The following WDR19 variants were observed in gnomAD, a reference collection of about 807,000 sequenced individuals.
WDR19 encodes the protein WD repeat-containing protein 19.
In WDR19, 121 loss-of-function variants were observed where a neutral mutation model predicts 180.0. That is an observed-to-expected ratio of 0.67 (90% confidence interval 0.58 to 0.78). The LOEUF is 0.78. Among genes scored for constraint, WDR19 ranks in the 30% least tolerant of loss-of-function variants. WDR19 has a pLI of 0.00. For synonymous variants in WDR19, 497 were observed against 540.7 expected (o/e 0.92, Z 1.12); for missense variants, 1,450 against 1,640.7 (o/e 0.88, Z 2.01).
chr4:39,229,554 T>C (rs1480508916), intron 17 of WDR19, among the ~76,000 whole-genome samples: 2 of 152,206 alleles, frequency 1.3e-5, no homozygotes, highest in African/African-American at 4.8e-5. Flanking sequence ...TAATTTCCTT[T>C]TACTGTTTTT....
At position 39,231,634 on chromosome 4, in the gene WDR19, G is replaced by T. The variant is rs187814249; in HGVS notation, c.1983-163G>T. ...AAACATTTATCTGTAAAAAAAGGAA[G>T]AAAGCTTAAGTGTTTTTTCATTACT... On this transcript the variant is annotated intron_variant, in intron 17 of 36. Transcript: ENST00000399820. Among the ~76,000 whole-genome samples the T allele has an allele frequency of 1.1e-3, 170 of 152,272 alleles. 1 individual carries two copies. The highest frequency in any genetic ancestry group is 4.0e-3 in the African/African-American group (166 of 41,578).
At chr4:39,199,689 C>A in intron 6 of WDR19, 96 bp downstream of exon 6, 1 of 974,578 alleles carries the variant, frequency 1.0e-6, no homozygotes, top group Non-Finnish European at 1.6e-6. Context: ...TTTTAAAAAT[C>A]TATATGTGAG....
chr4:39,225,787 C>T (rs988806146), intron 15 of WDR19, among the ~76,000 whole-genome samples: 1 of 151,922 alleles, frequency 6.6e-6, no homozygotes, highest in African/African-American at 2.4e-5. Context: ...TCCCCATGCC[C>T]GCCCCTTCTT....
chr4:39,215,872 C>T lies in WDR19; in HGVS notation c.993C>T (p.Gly331=). The T allele has an allele frequency of 6.2e-7, 1 of 1,613,486 alleles. No homozygotes were observed. The highest frequency in any genetic ancestry group is 8.5e-7 in the Non-Finnish European group (1 of 1,179,666). Residue 331 remains glycine, a synonymous_variant, in exon 11 of 37, where the codon GGC becomes GGT. Coordinates refer to ENST00000399820, the MANE Select transcript of WDR19 (RefSeq NM_025132.4). The stretch of plus-strand genomic sequence containing the variant: ...GTACCTTGTCCTGGACTGATGATGG[C>T]CAGTTGCTAGCACTCTCTACCCAAA... ...GLGTLSWTDD[G]QLLALSTQRG...
In WDR19 at chr4:39,194,531, CTT is replaced by C. The variant is rs1324399102; in HGVS notation, c.291-12_291-11del. On this transcript the variant is annotated splice_polypyrimidine_tract_variant and intron_variant, in intron 4 of 36. Coordinates refer to ENST00000399820, the MANE Select transcript of WDR19 (RefSeq NM_025132.4). ...TCGTGAATTGTTTAGTAATTTATAT[CTT>C]AATGTTACAGGGATCAAATGTCTTT... 2 of 1,559,626 alleles carry C rather than the reference CTT, an allele frequency of 1.3e-6. No individual in the cohort carries two copies. Among genetic ancestry groups the C allele is most frequent in the Admixed American group, 1.7e-5 (1 of 57,650 alleles).
intron 5 of WDR19, among the ~76,000 whole-genome samples, chr4:39,195,410 A>G (rs1216177332): frequency 6.8e-6 from 1 of 147,170 alleles, no homozygotes; most frequent in Non-Finnish European, 1.5e-5. Flanking sequence ...AAAAACATTT[A>G]CTGCTTGGAT....
chr4:39,201,949 A>G (rs928089854), intron 6 of WDR19, among the ~76,000 whole-genome samples: 2 of 152,158 alleles, frequency 1.3e-5, no homozygotes, highest in Non-Finnish European at 2.9e-5. Flanking sequence ...TTTTTTCTTA[A>G]TTGTTTTAAC....
intron 24 of WDR19, among the ~76,000 whole-genome samples, chr4:39,247,381 T>C (rs1732644733): frequency 6.6e-6 from 1 of 151,646 alleles, no homozygotes; most frequent in Non-Finnish European, 1.5e-5. Flanking sequence ...AGACCAAAGG[T>C]GGATAAAACC....
intron 7 of WDR19, 115 bp downstream of exon 7, chr4:39,203,837 AT>A (rs889920520): frequency 1.8e-5 from 19 of 1,028,226 alleles, no homozygotes; most frequent in African/African-American, 1.6e-4. Context: ...CATTGACTGT[AT>A]TTTAAGCCAA....
At chr4:39,255,349 T>C (rs1328885371) in intron 26 of WDR19, among the ~76,000 whole-genome samples, 1 of 152,172 alleles carries the variant, frequency 6.6e-6, no homozygotes, top group African/African-American at 2.4e-5. Context: ...AGCATGGTTG[T>C]TATACTTTAG....
chr4:39,215,740 G>A, intron 10 of WDR19, 101 bp from the exon 11 acceptor site: 1 of 1,238,504 alleles, frequency 8.1e-7, no homozygotes, highest in African/African-American at 1.5e-5. Context: ...GAAAATATTT[G>A]AAAATTGTTA....
chr4:39,223,809 A>C (rs1434663369), intron 14 of WDR19, among the ~76,000 whole-genome samples: 1 of 152,168 alleles, frequency 6.6e-6, no homozygotes, highest in Non-Finnish European at 1.5e-5. Flanking sequence ...TTCCCACTTT[A>C]TTTTCTAAAT....
chr4:39,182,954 G>A (rs993663815), intron 1 of WDR19, among the ~76,000 whole-genome samples: 13 of 152,184 alleles, frequency 8.5e-5, no homozygotes, highest in African/African-American at 3.1e-4. Flanking sequence ...GATGTCACGA[G>A]CTACCTCATT....
chr4:39,203,855 G>T (rs764912519), intron 7 of WDR19, 133 bp downstream of exon 7: 52 of 875,030 alleles, frequency 5.9e-5, no homozygotes, highest in Non-Finnish European at 8.5e-5. Context: ...CCAAGGTAGA[G>T]CTAGGTCTTT....
At chr4:39,238,582 A>G (rs1031071948) in intron 20 of WDR19, among the ~76,000 whole-genome samples, 1 of 152,232 alleles carries the variant, frequency 6.6e-6, no homozygotes, top group Non-Finnish European at 1.5e-5. Flanking sequence ...AGCTTGGTTG[A>G]TGTCATCAGG....
At position 39,284,081 on chromosome 4, in the gene WDR19, A is replaced by G. The variant is rs576389418; in HGVS notation, c.*14-1406A>G. Among the ~76,000 whole-genome samples, 3 of 152,182 alleles carry G rather than the reference A, an allele frequency of 2.0e-5. No homozygotes were observed. The East Asian group carries it at 5.8e-4, about 29-fold the overall frequency. ...AAATTTTTTTAACTTGGGATTTTCT[A>G]GAATTCTCGAATCTGTATGTTTATA... On this transcript the variant is annotated intron_variant, in intron 36 of 36. Coordinates refer to ENST00000399820, the MANE Select transcript of WDR19 (RefSeq NM_025132.4).
chr4:39,266,279 A>G, intron 29 of WDR19, 139 bp downstream of exon 29: 1 of 603,202 alleles, frequency 1.7e-6, no homozygotes, highest in Non-Finnish European at 2.7e-6. Flanking sequence ...CTAGACCAGG[A>G]GCGTCCAATC....
At position 39,194,788 on chromosome 4, in the gene WDR19, G is replaced by GC. The variant is rs1281146059; in HGVS notation, c.406+130dup. The GC allele has an allele frequency of 1.6e-4, 101 of 628,340 alleles. No homozygotes were observed. The Middle Eastern group carries it at 2.0e-3, about 13-fold the overall frequency. 38.9% of individuals were successfully genotyped at this position (628,340 alleles called of 1,614,324 possible). Reference sequence around the variant, plus strand: ...ACAAACCCCCTCCCCATGTCCCTCCGCAAGTCTTACATTTAGCTAAACATG... The same window carrying GC: ...ACAAACCCCCTCCCCATGTCCCTCCGCCAAGTCTTACATTTAGCTAAACATG... On this transcript the variant is annotated intron_variant, in intron 5 of 36. Transcript: ENST00000399820.
chr4:39,204,481 T>G (rs565048562), intron 7 of WDR19, among the ~76,000 whole-genome samples: 2 of 152,254 alleles, frequency 1.3e-5, no homozygotes, highest in Non-Finnish European at 2.9e-5. Flanking sequence ...ATGAATATAT[T>G]TAATAAAGTA....
Sources: gnomAD v4.1 joint callset for allele counts (sites outside exome capture counted in the v4.1 genomes callset) on GRCh38, gnomAD v4.1.1 for gene constraint, MANE v1.5 for transcripts, NCBI Gene and HGNC (gene_info 2026-07-23, HGNC 2026-07-21) for gene names.